Variants in MAF observed in about 807,000 individuals in gnomAD.
MAF encodes transcription factor Maf.
MAF carries 10 observed loss-of-function variants against 22.0 expected under a neutral mutation model. The observed-to-expected ratio is 0.45, with a 90% CI of 0.28 to 0.77. The LOEUF (loss-of-function observed/expected upper bound fraction) is 0.77, where lower values mean the gene tolerates loss of function less well. MAF is among the 30% of genes least tolerant of loss of function. The pLI, the probability that MAF is intolerant of heterozygous loss-of-function variation, is 0.12. For missense variants in MAF, 544 were observed against 548.4 expected, an observed-to-expected ratio of 0.99 and a Z score of 0.08; for synonymous variants, 337 against 255.8, an observed-to-expected ratio of 1.32 and a Z score of -3.03.
the MAF span, among the ~76,000 whole-genome samples, chr16:79,366,056 C>G: frequency 6.6e-6 from 1 of 152,090 alleles, no homozygotes; most frequent in Non-Finnish European, 1.5e-5. Flanking sequence ...TCTATAAAAC[C>G]ATTTAAGTTT....
At chr16:79,560,921 T>C in the MAF span, among the ~76,000 whole-genome samples, 2 of 152,202 alleles carry the variant, frequency 1.3e-5, no homozygotes, top group Admixed American at 6.5e-5. Context: ...TCAACAGCCA[T>C]GTAGGTCTTT....
the MAF span, among the ~76,000 whole-genome samples, chr16:79,574,053 T>C: frequency 2.0e-5 from 3 of 152,198 alleles, no homozygotes; most frequent in Non-Finnish European, 4.4e-5. Flanking sequence ...CAGGGCTGTG[T>C]TGGACACAAA....
the MAF span, among the ~76,000 whole-genome samples, chr16:79,424,059 AAGAGGTGCAGAC>A: frequency 6.6e-6 from 1 of 152,194 alleles, no homozygotes; most frequent in Non-Finnish European, 1.5e-5. Context: ...TTTCTCTGCT[AAGAGGTGCAGAC>A]AAGACATCAA....
At chr16:79,526,438 C>A in the MAF span, among the ~76,000 whole-genome samples, 1 of 152,144 alleles carries the variant, frequency 6.6e-6, no homozygotes, top group South Asian at 2.1e-4. Flanking sequence ...TGTATATACA[C>A]GTGAAGCTTT....
At chr16:79,411,360 T>C in the MAF span, among the ~76,000 whole-genome samples, 2 of 152,188 alleles carry the variant, frequency 1.3e-5, no homozygotes, top group African/African-American at 2.4e-5. Flanking sequence ...TAATTCTAAT[T>C]CCTGTATTAT....
At chr16:79,395,692 A>G in the MAF span, among the ~76,000 whole-genome samples, 1 of 152,194 alleles carries the variant, frequency 6.6e-6, no homozygotes, top group Admixed American at 6.5e-5. Context: ...GAGTCTCCAA[A>G]AAGCAACAAA....
At chr16:79,534,595 G>A in the MAF span, among the ~76,000 whole-genome samples, 1 of 152,052 alleles carries the variant, frequency 6.6e-6, no homozygotes, top group East Asian at 1.9e-4. Flanking sequence ...CATGGGATGG[G>A]GGGAGGGAGG....
chr16:79,463,910 C>CT, the MAF span, among the ~76,000 whole-genome samples: 16 of 150,862 alleles, frequency 1.1e-4, no homozygotes, highest in East Asian at 3.1e-3. Flanking sequence ...CAAATGGAAA[C>CT]TGACACTGCT....
the MAF span, among the ~76,000 whole-genome samples, chr16:79,368,351 A>G: frequency 1.3e-5 from 2 of 152,082 alleles, no homozygotes; most frequent in Non-Finnish European, 2.9e-5. Flanking sequence ...GAGGGTAGAC[A>G]TTATCTAATT....
At chr16:79,427,614 C>G in the MAF span, among the ~76,000 whole-genome samples, 1 of 152,088 alleles carries the variant, frequency 6.6e-6, no homozygotes, top group African/African-American at 2.4e-5. Context: ...CCCTCCCTTA[C>G]CCCGAAGGCC....
chr16:79,594,946 A>G (rs1913425672), intron 1 of MAF: 2 of 1,104,998 alleles, frequency 1.8e-6, no homozygotes, highest in Admixed American at 4.6e-5. Context: ...CTACACAACT[A>G]TATTTTCCTT....
the MAF span, among the ~76,000 whole-genome samples, chr16:79,535,434 A>G: frequency 6.6e-6 from 1 of 151,166 alleles, no homozygotes; most frequent in African/African-American, 2.4e-5. Context: ...GGCAAATTAC[A>G]GTACCGTGCT....
the MAF span, among the ~76,000 whole-genome samples, chr16:79,382,558 G>T: frequency 6.6e-6 from 1 of 152,098 alleles, no homozygotes; most frequent in East Asian, 1.9e-4. Context: ...TACAAATAAC[G>T]TACAGTAGAG....
At chr16:79,573,608 A>C in the MAF span, among the ~76,000 whole-genome samples, 1 of 152,200 alleles carries the variant, frequency 6.6e-6, no homozygotes, top group Non-Finnish European at 1.5e-5. Flanking sequence ...CACCATGTTC[A>C]TTTTCTACTG....
At chr16:79,543,003 A>T in the MAF span, among the ~76,000 whole-genome samples, 193 of 152,308 alleles carry the variant, frequency 1.3e-3, 1 homozygote, top group African/African-American at 4.1e-3. Context: ...ATGTGCAGTT[A>T]TGTTTTCTCT....
the MAF span, among the ~76,000 whole-genome samples, chr16:79,255,882 C>G: frequency 6.6e-6 from 1 of 151,900 alleles, no homozygotes; most frequent in African/African-American, 2.4e-5. Flanking sequence ...AAGTCCTTTT[C>G]ATGGTACCTG....
At chr16:79,275,137 C>G in the MAF span, among the ~76,000 whole-genome samples, 1 of 152,158 alleles carries the variant, frequency 6.6e-6, no homozygotes, top group Middle Eastern at 3.2e-3. Context: ...AGGTGGATCA[C>G]TTGAGATCAG....
chr16:79,256,384 C>G, the MAF span, among the ~76,000 whole-genome samples: 1 of 152,062 alleles, frequency 6.6e-6, no homozygotes, highest in Non-Finnish European at 1.5e-5. Flanking sequence ...CATTTTACCC[C>G]CTATATTTTA....
At chr16:79,393,450 C>T in the MAF span, among the ~76,000 whole-genome samples, 1 of 152,216 alleles carries the variant, frequency 6.6e-6, no homozygotes, top group African/African-American at 2.4e-5. Context: ...GAATTAGGAC[C>T]TTCTTTCTGA....
Sources: allele counts gnomAD v4.1 joint callset (sites outside exome capture counted in the v4.1 genomes callset), GRCh38; gene constraint gnomAD v4.1.1; transcripts MANE v1.5; gene names NCBI Gene and HGNC (gene_info 2026-07-23, HGNC 2026-07-21).